Variants in JAK1 observed in about 807,000 individuals in gnomAD.
The protein encoded by JAK1 is tyrosine-protein kinase JAK1.
A neutral mutation model predicts 136.6 loss-of-function variants in JAK1; 16 were observed. That is an observed-to-expected ratio of 0.12 (90% CI 0.08 to 0.18). The LOEUF (loss-of-function observed/expected upper bound fraction) is 0.18, where lower values mean the gene tolerates loss of function less well. Among genes scored for constraint, JAK1 ranks in the 10% least tolerant of loss-of-function variants. The pLI, the probability that JAK1 is intolerant of heterozygous loss-of-function variation, is 1.00. For synonymous variants in JAK1, 492 were observed against 519.5 expected, an observed-to-expected ratio of 0.95 and a Z score of 0.72; for missense variants, 859 against 1,450.1, an observed-to-expected ratio of 0.59 and a Z score of 6.62.
upstream of JAK1, among the ~76,000 whole-genome samples, chr1:64,968,670 G>A (rs989311328): frequency 2.6e-5 from 4 of 152,138 alleles, no homozygotes; most frequent in South Asian, 2.1e-4. Flanking sequence ...AGTGGCTCAC[G>A]CCTGTAATCC....
In JAK1 at chr1:64,939,268, T is replaced by C. The variant is rs530676185; in HGVS notation, c.-78+27065A>G. Among the ~76,000 whole-genome samples, 410 of 152,334 alleles carry C rather than the reference T, an allele frequency of 2.7e-3. 3 individuals carry two copies. Among genetic ancestry groups the C allele is most frequent in the African/African-American group, 8.9e-3 (368 of 41,562 alleles). On this transcript the variant is annotated intron_variant, in intron 1 of 24. Transcript: ENST00000342505. Reference sequence around the variant, plus strand: ...TGAGCAACAGATCTAGGCATGAACATATACATATAAGCACAACTCATACCT... The same window carrying C: ...TGAGCAACAGATCTAGGCATGAACACATACATATAAGCACAACTCATACCT...
At chr1:64,888,829 G>C (rs1388084350) in intron 1 of JAK1, among the ~76,000 whole-genome samples, 4 of 152,172 alleles carry the variant, frequency 2.6e-5, no homozygotes, top group African/African-American at 9.7e-5. Context: ...AAGACAATAT[G>C]CATTAACTGT....
At chr1:64,856,382 A>G (rs1051061741) in intron 10 of JAK1, among the ~76,000 whole-genome samples, 4 of 152,214 alleles carry the variant, frequency 2.6e-5, no homozygotes, top group Non-Finnish European at 5.9e-5. Context: ...TCATCTGTAC[A>G]ATGGGATAAT....
intron 1 of JAK1, among the ~76,000 whole-genome samples, chr1:65,063,947 T>C (rs1394992369): frequency 1.3e-5 from 2 of 152,074 alleles, no homozygotes; most frequent in African/African-American, 2.4e-5. Context: ...GCCACACTAA[T>C]AAACAGGTGG....
At chr1:64,842,944 C>T (rs576613646) in intron 17 of JAK1, among the ~76,000 whole-genome samples, 13 of 152,206 alleles carry the variant, frequency 8.5e-5, no homozygotes, top group Middle Eastern at 6.8e-3. Context: ...CTGCCATTTC[C>T]GGACATGGGG....
At chr1:64,917,354 A>C (rs1207889789) in intron 1 of JAK1, among the ~76,000 whole-genome samples, 1 of 152,166 alleles carries the variant, frequency 6.6e-6, no homozygotes, top group Non-Finnish European at 1.5e-5. Context: ...ATCTCAAAAA[A>C]CAAACTGCTA....
At chr1:64,860,619 A>G (rs180774417) in intron 8 of JAK1, among the ~76,000 whole-genome samples, 1,812 of 151,600 alleles carry the variant, frequency 0.012, 41 homozygotes, top group African/African-American at 0.041. Context: ...ACACCTGGCT[A>G]ATTTTTGTAT....
intron 2 of JAK1, among the ~76,000 whole-genome samples, chr1:65,042,615 A>C (rs1334631147): frequency 1.3e-5 from 2 of 152,230 alleles, no homozygotes; most frequent in Non-Finnish European, 2.9e-5. Context: ...CTTATGGAAT[A>C]GCTGTCTTTG....
In JAK1 at chr1:64,889,612, A is replaced by C. The variant is rs1261914827; in HGVS notation, c.-77-3271T>G. On this transcript the variant is annotated intron_variant, in intron 1 of 24. Coordinates refer to ENST00000342505, the MANE Select transcript of JAK1 (RefSeq NM_002227.4). ...TGACACTTTCTCAACAAGGGAAAAA[A>C]TAAAAGAAACAAGACACAATTCTGT... is the stretch of plus-strand genomic sequence containing the variant. 5.3e-5 allele frequency among the ~76,000 whole-genome samples: 8 copies of C among 152,346 alleles called. No homozygotes were observed. The East Asian group carries it at 1.5e-3, about 29-fold the overall frequency.
chr1:65,003,749 G>A (rs1646781715), intron 2 of JAK1: 1 of 151,356 alleles, frequency 6.6e-6, no homozygotes, highest in Non-Finnish European at 1.5e-5. Context: ...AAAAAAAAAT[G>A]CCTTCTGTAG....
intron 5 of JAK1, among the ~76,000 whole-genome samples, chr1:64,871,261 C>T (rs1170378468): frequency 6.6e-6 from 1 of 152,126 alleles, no homozygotes; most frequent in African/African-American, 2.4e-5. Context: ...TACAGTGGGA[C>T]ATAACTCTGA....
intron 4 of JAK1, chr1:64,876,261 G>C (rs561884469): frequency 6.6e-6 from 1 of 152,332 alleles, no homozygotes; most frequent in Admixed American, 6.5e-5. Flanking sequence ...GTCTCTGTGA[G>C]AAACAGTCCT....
At chr1:64,937,870 G>A (rs779030525) in intron 1 of JAK1, among the ~76,000 whole-genome samples, 13 of 151,982 alleles carry the variant, frequency 8.6e-5, no homozygotes, top group Admixed American at 3.9e-4. Context: ...TTCTTGAACA[G>A]AGAATGTCAA....
In JAK1 at chr1:64,844,622, G is replaced by A; in HGVS notation, c.2251+132C>T. On this transcript the variant is annotated intron_variant, in intron 16 of 24. Coordinates refer to ENST00000342505, the MANE Select transcript of JAK1 (RefSeq NM_002227.4). The surrounding 1 kb of genome is among the most constrained non-coding windows in gnomAD (Gnocchi z 5.7). ...TCAAGACCATCCTGGCCAACATGGT[G>A]AAACCCCGTCTCTACTAAAATACAA... The A allele has an allele frequency of 2.8e-6, 3 of 1,066,778 alleles. No homozygotes were observed. The South Asian group carries it at 4.6e-5, about 16-fold the overall frequency. 66.1% of individuals were successfully genotyped at this position (1,066,778 alleles called of 1,614,324 possible).
chr1:64,962,019 C>T (rs1043518385), intron 1 of JAK1, among the ~76,000 whole-genome samples: 1 of 152,190 alleles, frequency 6.6e-6, no homozygotes, highest in African/African-American at 2.4e-5. Context: ...ACTTCCTAGT[C>T]CTCAAACTTC....
At chr1:64,980,786 A>G (rs1646538204) in intron 2 of JAK1, among the ~76,000 whole-genome samples, 1 of 148,806 alleles carries the variant, frequency 6.7e-6, no homozygotes, top group African/African-American at 2.5e-5. Flanking sequence ...GAGAGTTCTC[A>G]TTGTTCAGTT....
chr1:64,865,828 T>C (rs1055858376), intron 7 of JAK1, among the ~76,000 whole-genome samples: 1 of 152,200 alleles, frequency 6.6e-6, no homozygotes, highest in Non-Finnish European at 1.5e-5. Flanking sequence ...GGCAAGGTCA[T>C]GGCTCACTGT....
intron 2 of JAK1, among the ~76,000 whole-genome samples, chr1:64,999,402 G>A (rs1047196481): frequency 6.6e-6 from 1 of 152,050 alleles, no homozygotes; most frequent in Admixed American, 6.6e-5. Flanking sequence ...TCCTTCCTCA[G>A]TACTCCCCAT....
At chr1:65,066,430 G>A (rs1358869438) in intron 1 of JAK1, among the ~76,000 whole-genome samples, 1 of 152,188 alleles carries the variant, frequency 6.6e-6, no homozygotes, top group East Asian at 1.9e-4. Context: ...AGGTGAGCCC[G>A]GGGAGAAGCG....
Sources: gnomAD v4.1 joint callset for allele counts (sites outside exome capture counted in the v4.1 genomes callset) on GRCh38, gnomAD v4.1.1 for gene constraint, Gnocchi (gnomAD v3.1) non-coding constraint, MANE v1.5 for transcripts, NCBI Gene and HGNC (gene_info 2026-07-23, HGNC 2026-07-21) for gene names.